Variants in BACH2 observed in about 807,000 individuals in gnomAD.
BACH2 encodes the protein transcription regulator protein BACH2.
BACH2 carries 5 observed loss-of-function variants against 61.8 expected under a neutral mutation model. The ratio of observed to expected loss-of-function variants is 0.08; its 90% CI spans 0.04 to 0.17. The LOEUF (loss-of-function observed/expected upper bound fraction) is 0.17, where lower values mean the gene tolerates loss of function less well. Ranked by LOEUF, BACH2 falls within the 10% of genes least tolerant of loss-of-function variation. The pLI, the probability that BACH2 is intolerant of heterozygous loss-of-function variation, is 1.00. For missense variants in BACH2, 824 were observed against 1,091.1 expected, an observed-to-expected ratio of 0.76 and a Z score of 3.45; for synonymous variants, 446 against 440.1, an observed-to-expected ratio of 1.01 and a Z score of -0.17.
At chr6:90,241,237 A>C (rs1770442837) in intron 3 of BACH2, among the ~76,000 whole-genome samples, 1 of 152,040 alleles carries the variant, frequency 6.6e-6, no homozygotes, top group African/African-American at 2.4e-5. Context: ...GTATCACTTA[A>C]TAGATTGAAA....
rs772255557 is a variant in BACH2, at chr6:89,932,256, G to A, written c.*152C>T. On this transcript the variant is annotated 3_prime_UTR_variant, in exon 9 of 9. Transcript: ENST00000257749. The stretch of plus-strand genomic sequence containing the variant: ...TCACTCCTGCTCGAGAAGAGGAGAG[G>A]ATACTTCGGAACAGTATTGCTGCTA... The A allele has an allele frequency of 4.5e-5, 45 of 1,008,058 alleles. No homozygotes were observed. The highest frequency in any genetic ancestry group is 3.3e-4 in the Middle Eastern group (1 of 3,064). The allele number at this position is 1,008,058 out of a possible 1,614,324, so 62.4% of individuals were successfully genotyped here.
intron 4 of BACH2, among the ~76,000 whole-genome samples, chr6:90,115,468 T>G (rs1303455545): frequency 6.6e-6 from 1 of 152,180 alleles, no homozygotes; most frequent in African/African-American, 2.4e-5. Flanking sequence ...GCTAGCTATA[T>G]GCAGAAGATT....
intron 6 of BACH2, among the ~76,000 whole-genome samples, chr6:90,001,042 G>T (rs1385000335): frequency 6.6e-6 from 1 of 152,128 alleles, no homozygotes; most frequent in Non-Finnish European, 1.5e-5. Context: ...TGTGACATAG[G>T]CTAGGATCTC....
intron 4 of BACH2, among the ~76,000 whole-genome samples, chr6:90,187,540 AC>A (rs1768403478): frequency 6.6e-6 from 1 of 152,234 alleles, no homozygotes; most frequent in African/African-American, 2.4e-5. Context: ...GTGATGGGTC[AC>A]CAGGAGCGCA....
intron 6 of BACH2, among the ~76,000 whole-genome samples, chr6:89,999,828 GC>G (rs1417263745): frequency 2.0e-5 from 3 of 152,158 alleles, no homozygotes; most frequent in Non-Finnish European, 4.4e-5. Flanking sequence ...ACTTTCAGAG[GC>G]CTTGTCATAA....
At chr6:90,166,108 C>T (rs919040808) in intron 4 of BACH2, among the ~76,000 whole-genome samples, 1 of 152,136 alleles carries the variant, frequency 6.6e-6, no homozygotes, top group Non-Finnish European at 1.5e-5. Context: ...AAACTACCAT[C>T]AGAGTGAACA....
intron 3 of BACH2, among the ~76,000 whole-genome samples, chr6:90,244,857 G>A (rs1770581129): frequency 6.6e-6 from 1 of 152,130 alleles, no homozygotes; most frequent in African/African-American, 2.4e-5. Context: ...AACCAAACAA[G>A]AACCGTGAAG....
At chr6:90,052,603 T>C (rs776877949) in intron 5 of BACH2, among the ~76,000 whole-genome samples, 1 of 152,130 alleles carries the variant, frequency 6.6e-6, no homozygotes, top group Non-Finnish European at 1.5e-5. Flanking sequence ...ATATTTTTAG[T>C]AGAGACAGGG....
At chr6:90,233,043 A>G (rs1015009535) in intron 3 of BACH2, among the ~76,000 whole-genome samples, 1 of 152,200 alleles carries the variant, frequency 6.6e-6, no homozygotes, top group Non-Finnish European at 1.5e-5. Context: ...GAGGCAGGAG[A>G]TATCATGTTT....
At chr6:90,211,263 T>A (rs1320171450) in intron 3 of BACH2, among the ~76,000 whole-genome samples, 1 of 151,228 alleles carries the variant, frequency 6.6e-6, no homozygotes, top group Non-Finnish European at 1.5e-5. Context: ...CAGAGATAGG[T>A]TTGGTAACAT....
rs1265099818 is a variant in BACH2 at position 89,951,663 on chromosome 6, G to C, written c.443C>G (p.Ala148Gly). ...GCAGTCCTCGTGTGGGCGCTGGCAC[G>C]CAGCATCCTTCCGGCACACAAACAG... Reference protein sequence around the residue: ...DGLFVCRKDAACQRPHEDCEN... With the variant: ...DGLFVCRKDAGCQRPHEDCEN... The change falls in exon 7 of 9, where the codon GCG becomes GGG. Residue 148 changes from alanine to glycine, a missense_variant. Physicochemically the swap from Ala to Gly is moderately conservative, Grantham distance 60 (BLOSUM62 0). Coordinates refer to ENST00000257749, the MANE Select transcript of BACH2 (RefSeq NM_021813.4). This position sits in a 1 kb window ranked among gnomAD's most constrained non-coding sequence, Gnocchi z 6.4. 4.3e-6 allele frequency: 7 copies of C among 1,614,094 alleles called. No individual in the cohort carries two copies. The highest frequency in any genetic ancestry group is 5.9e-6 in the Non-Finnish European group (7 of 1,180,056).
At chr6:90,016,441 T>C (rs575998369) in intron 5 of BACH2, among the ~76,000 whole-genome samples, 1 of 152,348 alleles carries the variant, frequency 6.6e-6, no homozygotes, top group South Asian at 2.1e-4. Context: ...TTAGGATTTA[T>C]AATATGCTTC....
At chr6:90,245,408 T>C (rs990717683) in intron 3 of BACH2, among the ~76,000 whole-genome samples, 3 of 152,002 alleles carry the variant, frequency 2.0e-5, no homozygotes, top group African/African-American at 7.3e-5. Flanking sequence ...CAGGGCAACA[T>C]AGAGAGACTC....
At chr6:90,258,379 G>A (rs940926034) in intron 2 of BACH2, among the ~76,000 whole-genome samples, 2 of 151,964 alleles carry the variant, frequency 1.3e-5, no homozygotes, top group African/African-American at 4.8e-5. Context: ...CTATATATAC[G>A]TGGATTTATT....
chr6:90,150,368 G>A (rs1784773634), intron 4 of BACH2, among the ~76,000 whole-genome samples: 2 of 152,194 alleles, frequency 1.3e-5, no homozygotes, highest in Admixed American at 1.3e-4. Context: ...AGTCTACTGA[G>A]TTAAAGGTAG....
At chr6:90,020,899 G>A (rs1376382563) in intron 5 of BACH2, among the ~76,000 whole-genome samples, 1 of 152,182 alleles carries the variant, frequency 6.6e-6, no homozygotes, top group Admixed American at 6.5e-5. Context: ...GGAGGAGTAT[G>A]ACAGCCAGTC....
At chr6:90,246,731 T>C (rs2127867982) in intron 3 of BACH2, among the ~76,000 whole-genome samples, 1 of 152,300 alleles carries the variant, frequency 6.6e-6, no homozygotes, top group South Asian at 2.1e-4. Flanking sequence ...TCACCAAGTA[T>C]ATTACAATAC....
intron 1 of BACH2, among the ~76,000 whole-genome samples, chr6:90,292,204 C>G (rs990275605): frequency 4.6e-5 from 7 of 152,108 alleles, no homozygotes; most frequent in Non-Finnish European, 5.9e-5. Context: ...AAGTTCATTC[C>G]AACATGAGAT....
intron 3 of BACH2, among the ~76,000 whole-genome samples, chr6:90,241,049 C>T (rs2501719): frequency 0.073 from 10,937 of 150,112 alleles, 1,285 homozygotes; most frequent in African/African-American, 0.25. Flanking sequence ...GCAGGAGAAT[C>T]GCTTGAACTT....
Sources: allele counts gnomAD v4.1 joint callset (sites outside exome capture counted in the v4.1 genomes callset), GRCh38; gene constraint gnomAD v4.1.1; non-coding constraint Gnocchi (gnomAD v3.1); transcripts MANE v1.5; gene names NCBI Gene and HGNC (gene_info 2026-07-23, HGNC 2026-07-21).